Variants in MGAM2 observed in about 807,000 individuals in gnomAD.
The protein encoded by MGAM2 is probable maltase-glucoamylase 2.
Under a neutral mutation model 96.1 loss-of-function variants are expected in MGAM2, and 98 were observed. That is an observed-to-expected ratio of 1.02 (90% CI 0.87 to 1.21). The LOEUF (loss-of-function observed/expected upper bound fraction) is 1.21. Ranked by LOEUF, MGAM2 falls within the 50% of genes most tolerant of loss-of-function variation. The pLI, the probability that MGAM2 is intolerant of heterozygous loss-of-function variation, is 0.00. For synonymous variants in MGAM2, 749 were observed against 414.8 expected (o/e 1.81, Z -9.79); for missense variants, 2,055 against 1,182.4 (o/e 1.74, Z -10.82).
At chr7:142,216,725 A>G (rs1337662363) in intron 46 of MGAM2, among the ~76,000 whole-genome samples, 1 of 152,196 alleles carries the variant, frequency 6.6e-6, no homozygotes, top group African/African-American at 2.4e-5. Flanking sequence ...TTTGAGCTGT[A>G]TATTTTTTCC....
rs1201451396 is a variant in MGAM2, at chr7:142,137,455, T to C, written c.870T>C (p.Pro290=). The C allele has an allele frequency of 8.6e-6, 6 of 700,840 alleles. No individual in the cohort carries two copies. Among genetic ancestry groups the C allele is most frequent in the Non-Finnish European group, 1.6e-5 (6 of 383,876 alleles). The allele number at this position is 700,840 out of a possible 1,614,324, so 43.4% of individuals were successfully genotyped here. The change falls in exon 9 of 48, where the codon CCT becomes CCC. Residue 290 remains proline (P), a synonymous_variant. Transcript: ENST00000477922. ...CAGAGGTTACCCTTCAGCCAGCTCC[T>C]GCGATCACTTATCGCACGATTGGAG... ...NAMEVTLQPA[P]AITYRTIGGI...
At chr7:142,202,775 A>T (rs550149423) in intron 45 of MGAM2, among the ~76,000 whole-genome samples, 1 of 152,188 alleles carries the variant, frequency 6.6e-6, no homozygotes, top group Non-Finnish European at 1.5e-5. Flanking sequence ...GCTGTGAGGA[A>T]CATAAGAGCA....
intron 3 of MGAM2, among the ~76,000 whole-genome samples, chr7:142,121,408 C>G (rs986622319): frequency 3.9e-5 from 6 of 152,036 alleles, no homozygotes; most frequent in African/African-American, 1.4e-4. Context: ...AACTCCTGAC[C>G]CCAGGTGATC....
intron 7 of MGAM2, among the ~76,000 whole-genome samples, chr7:142,135,500 C>G (rs1368379709): frequency 6.6e-6 from 1 of 151,882 alleles, no homozygotes; most frequent in Non-Finnish European, 1.5e-5. Context: ...AAGTGTGATG[C>G]CATTAGTTTT....
chr7:142,176,095 C>CAAAAA (rs61345348), intron 32 of MGAM2, among the ~76,000 whole-genome samples: 1,319 of 131,250 alleles, frequency 0.01, 9 homozygotes, highest in African/African-American at 0.013. Context: ...CTGAAGATAG[C>CAAAAA]AAAAAAAAAA....
intron 3 of MGAM2, among the ~76,000 whole-genome samples, chr7:142,127,371 T>G (rs1432250836): frequency 6.6e-6 from 1 of 152,196 alleles, no homozygotes; most frequent in Non-Finnish European, 1.5e-5. Context: ...TTTTTTATAT[T>G]ATTTTCTGGG....
At chr7:142,162,881 A>G (rs62475293) in intron 23 of MGAM2, among the ~76,000 whole-genome samples, 72,634 of 151,336 alleles carry the variant, frequency 0.48, 18,153 homozygotes, top group East Asian at 0.78. Context: ...ATCGAGATAC[A>G]GAATATTTCA....
intron 30 of MGAM2, among the ~76,000 whole-genome samples, chr7:142,172,969 C>A (rs1796245029): frequency 6.6e-6 from 1 of 152,120 alleles, no homozygotes; most frequent in African/African-American, 2.4e-5. Flanking sequence ...GCTAAACAGC[C>A]TAAGAATTGC....
intron 23 of MGAM2, among the ~76,000 whole-genome samples, chr7:142,162,220 T>C (rs1563268432): frequency 6.6e-6 from 1 of 152,242 alleles, no homozygotes; most frequent in East Asian, 1.9e-4. Flanking sequence ...GAACTTTTTT[T>C]TTCCTGGAAA....
intron 17 of MGAM2, among the ~76,000 whole-genome samples, chr7:142,157,316 T>C (rs1795763166): frequency 6.6e-6 from 1 of 152,074 alleles, no homozygotes; most frequent in Non-Finnish European, 1.5e-5. Flanking sequence ...AAGTCCCACT[T>C]TATCTCCATG....
At chr7:142,140,620 C>A (rs1258884657) in intron 10 of MGAM2, among the ~76,000 whole-genome samples, 182 bp from the exon 11 acceptor site, 10 of 152,174 alleles carry the variant, frequency 6.6e-5, no homozygotes, top group Non-Finnish European at 1.5e-5. Context: ...AAACAGCAAC[C>A]AAACAGCAAT....
At chr7:142,190,889 C>T (rs1796847756) in intron 37 of MGAM2, among the ~76,000 whole-genome samples, 1 of 151,928 alleles carries the variant, frequency 6.6e-6, no homozygotes, top group South Asian at 2.1e-4. Flanking sequence ...AATCTCAGTA[C>T]TTTGGGAGGC....
chr7:142,199,727 T>C (rs1204124185), intron 44 of MGAM2, among the ~76,000 whole-genome samples, 153 bp from the exon 45 acceptor site: 1 of 152,240 alleles, frequency 6.6e-6, no homozygotes, highest in African/African-American at 2.4e-5. Flanking sequence ...AAATGTCTTA[T>C]ATTTTATCTA....
chr7:142,176,263 ATTGAG>A (rs756102206), intron 32 of MGAM2, among the ~76,000 whole-genome samples: 35 of 152,312 alleles, frequency 2.3e-4, no homozygotes, highest in Admixed American at 1.3e-3. Flanking sequence ...CTTACAAACA[ATTGAG>A]TTAAGATCCA....
rs942305204 is a variant in MGAM2 at position 142,170,098 on chromosome 7, G to A, written c.3051G>A (p.Arg1017=). The A allele has an allele frequency of 5.8e-5, 41 of 702,342 alleles. No homozygotes were observed. Among genetic ancestry groups the A allele is most frequent in the Non-Finnish European group, 9.6e-5 (37 of 384,840 alleles). 43.5% of individuals were successfully genotyped at this position (702,342 alleles called of 1,614,324 possible). A position where few individuals can be genotyped will look rare whatever the true frequency, so the allele number is the denominator to read the frequency against. ...AGATCTATGACCCCACTAATAAAAGGTATGAGGTTCCAGTACCACTGAACA... is the reference window on the plus strand; with the variant it reads ...AGATCTATGACCCCACTAATAAAAGATATGAGGTTCCAGTACCACTGAACA... ...QVKIYDPTNK[R]YEVPVPLNTP... is the part of the protein sequence containing the mutation. The change falls in exon 27 of 48, where the codon AGG becomes AGA. Residue 1017 remains arginine, a synonymous_variant. Transcript: ENST00000477922.
intron 2 of MGAM2, among the ~76,000 whole-genome samples, chr7:142,119,257 A>G (rs61639003): frequency 0.11 from 16,005 of 152,214 alleles, 1,075 homozygotes; most frequent in Admixed American, 0.23. Context: ...CTAAATGAGT[A>G]AAACATTTAA....
At chr7:142,197,576 G>A (rs1230233719) in intron 41 of MGAM2, 28 bp downstream of exon 41, 3 of 702,980 alleles carry the variant, frequency 4.3e-6, no homozygotes, top group Non-Finnish European at 7.8e-6. Flanking sequence ...CCCCAAGCAT[G>A]TCTTGCAAAT....
chr7:142,203,036 T>G (rs1797286146), intron 45 of MGAM2, among the ~76,000 whole-genome samples: 1 of 152,184 alleles, frequency 6.6e-6, no homozygotes, highest in Non-Finnish European at 1.5e-5. Context: ...TAATGATTGG[T>G]GATGATAAGC....
At chr7:142,184,870 G>C (rs1736391838) in intron 33 of MGAM2, among the ~76,000 whole-genome samples, 1 of 146,018 alleles carries the variant, frequency 6.8e-6, no homozygotes, top group Non-Finnish European at 1.5e-5. Context: ...TTCAAAAATA[G>C]AATTTTGAAA....
Sources: allele counts gnomAD v4.1 joint callset (sites outside exome capture counted in the v4.1 genomes callset), GRCh38; gene constraint gnomAD v4.1.1; transcripts MANE v1.5; gene names NCBI Gene and HGNC (gene_info 2026-07-23, HGNC 2026-07-21).